The following ENPP6 variants were observed in gnomAD, a reference collection of about 807,000 sequenced individuals.
ENPP6 encodes ectonucleotide pyrophosphatase/phosphodiesterase 6.
ENPP6 carries 32 observed loss-of-function variants against 42.0 expected under a neutral mutation model. That is an observed-to-expected ratio of 0.76 (90% CI 0.58 to 1.02). The LOEUF (loss-of-function observed/expected upper bound fraction) is 1.02, where lower values mean the gene tolerates loss of function less well. Ranked by LOEUF, ENPP6 falls within the 50% of genes least tolerant of loss-of-function variation. The probability of loss-of-function intolerance (pLI) is 0.00; values close to 1 mark genes in which losing one functional copy is unlikely to be tolerated. For missense variants in ENPP6, 552 were observed against 566.8 expected (o/e 0.97, Z 0.27); for synonymous variants, 213 against 216.0 (o/e 0.99, Z 0.12).
chr4:184,204,551 G>C (rs78522162), intron 1 of ENPP6, among the ~76,000 whole-genome samples: 1 of 152,112 alleles, frequency 6.6e-6, no homozygotes, highest in African/African-American at 2.4e-5. Context: ...CGACTTCAGC[G>C]ATCTTCACTA....
At chr4:184,152,674 G>T (rs144595970) in intron 2 of ENPP6, among the ~76,000 whole-genome samples, 1 of 152,166 alleles carries the variant, frequency 6.6e-6, no homozygotes, top group African/African-American at 2.4e-5. Flanking sequence ...AATGGGAAGC[G>T]GGTTGTATTG....
intron 1 of ENPP6, among the ~76,000 whole-genome samples, chr4:184,176,169 T>C (rs1485654520): frequency 6.6e-6 from 1 of 152,076 alleles, no homozygotes; most frequent in Non-Finnish European, 1.5e-5. Context: ...TATCCCAAGG[T>C]CTTGTAGTTG....
At position 184,184,861 on chromosome 4, in the gene ENPP6, C is replaced by G. The variant is rs141640831; in HGVS notation, c.242-31128G>C. Among the ~76,000 whole-genome samples the G allele has an allele frequency of 6.6e-6, 1 of 151,938 alleles. No homozygotes were observed. Among genetic ancestry groups the G allele is most frequent in the Non-Finnish European group, 1.5e-5 (1 of 67,980 alleles). Reference sequence around the variant, plus strand: ...GGACTTCTTGCCTCGAGAACCATGGCAGTCGATTCCTGTTGTCTGAGCCAC... The same window carrying G: ...GGACTTCTTGCCTCGAGAACCATGGGAGTCGATTCCTGTTGTCTGAGCCAC... On this transcript the variant is annotated intron_variant, in intron 1 of 7. Transcript: ENST00000296741. The surrounding 1 kb of genome is among the most constrained non-coding windows in gnomAD (Gnocchi z 4.7).
In ENPP6 at chr4:184,147,404, G is replaced by C. The variant is rs4627906; in HGVS notation, c.421+6150C>G. Among the ~76,000 whole-genome samples, 1,078 of 152,122 alleles carry C rather than the reference G, an allele frequency of 7.1e-3. 39 individuals carry two copies. Among genetic ancestry groups the C allele is most frequent in the Admixed American group, 0.059 (897 of 15,288 alleles). The stretch of plus-strand genomic sequence containing the variant: ...CCATTCCATTCAGGCTGCAGCCGGA[G>C]TAGTGCTTTCAAAATGCAAGTATGA... On this transcript the variant is annotated intron_variant, in intron 2 of 7. Coordinates refer to ENST00000296741, the MANE Select transcript of ENPP6 (RefSeq NM_153343.4).
rs143138466 is a variant in ENPP6 at position 184,153,508 on chromosome 4, G to A, written c.421+46C>T. 2.2e-4 allele frequency: 350 copies of A among 1,557,140 alleles called. 1 individual carries two copies. In the African/African-American group the frequency reaches 4.1e-3, roughly 18 times the overall value. The stretch of plus-strand genomic sequence containing the variant: ...TAACTTGACACCGACTGTCCTCAGA[G>A]ACTCTATGATGATTTGAGATTTGGA... On this transcript the variant is annotated intron_variant, in intron 2 of 7. Coordinates refer to ENST00000296741, the MANE Select transcript of ENPP6 (RefSeq NM_153343.4).
chr4:184,199,209 G>C (rs1579661715), intron 1 of ENPP6, among the ~76,000 whole-genome samples: 1 of 152,342 alleles, frequency 6.6e-6, no homozygotes, highest in East Asian at 1.9e-4. Flanking sequence ...CAGGCTCCCT[G>C]ATGCCTTGAC....
chr4:184,172,958 G>C (rs547712630), intron 1 of ENPP6, among the ~76,000 whole-genome samples: 1 of 152,250 alleles, frequency 6.6e-6, no homozygotes, highest in Non-Finnish European at 1.5e-5. Context: ...CTGTCTCCCA[G>C]GCTGGAGTGC....
At chr4:184,144,934 G>A (rs779740890) in intron 2 of ENPP6, among the ~76,000 whole-genome samples, 9 of 152,236 alleles carry the variant, frequency 5.9e-5, no homozygotes, top group African/African-American at 1.7e-4. Flanking sequence ...GACAGCCCAC[G>A]GCCCCGGCCC....
intron 3 of ENPP6, among the ~76,000 whole-genome samples, chr4:184,123,949 G>C (rs1736459841): frequency 6.6e-6 from 1 of 152,164 alleles, no homozygotes; most frequent in African/African-American, 2.4e-5. Flanking sequence ...GGATTTTCCT[G>C]CTCTCAATTC....
rs556240918 is a variant in ENPP6 at position 184,179,655 on chromosome 4, C to CA, written c.242-25923dup. 1.5e-4 allele frequency among the ~76,000 whole-genome samples: 23 copies of CA among 151,480 alleles called. No individual in the cohort carries two copies. In the East Asian group the frequency reaches 3.9e-3, roughly 25 times the overall value. On this transcript the variant is annotated intron_variant, in intron 1 of 7. Transcript: ENST00000296741. ...AGCAAATGCAAAAGAAATGAAATAA[C>CA]AAAAAAAACCACAGTCTCTCAGACA...
In ENPP6 at chr4:184,116,871, AG is replaced by A. The variant is rs764018508; in HGVS notation, c.839del (p.Pro280LeufsTer11). On this transcript the variant is annotated frameshift_variant, in exon 5 of 8. Coordinates refer to ENST00000296741, the MANE Select transcript of ENPP6 (RefSeq NM_153343.4). LOFTEE classifies it high-confidence loss of function. Reference sequence around the variant, plus strand: ...TCTGTCTTGCCTCAGAGTGTTTCCCAGGGGCCGGCCAAAGGCTCACAACAGG... The same window carrying A: ...TCTGTCTTGCCTCAGAGTGTTTCCCAGGGCCGGCCAAAGGCTCACAACAGG... ...RGPVVSLWPA[P>X]GKHSEIYNKL... 4.3e-5 allele frequency: 70 copies of A among 1,613,518 alleles called. No homozygotes were observed. The highest frequency in any genetic ancestry group is 5.2e-5 in the Non-Finnish European group (61 of 1,179,960).
Position 184,131,259 on chromosome 4 carries a change from T to TTTCTCTTCCTTCCTTCCTTCCTTCCTTC in ENPP6, c.422-6988_422-6987insGAAGGAAGGAAGGAAGGAAGGAAGAGAA, listed in dbSNP as rs1553996065. Reference sequence around the variant, plus strand: ...CCTTTTCTTTCTTTCTTTCTCTTTCTCTTCCTTCCTTCCTTCCTTCCTTCC... The same window carrying TTTCTCTTCCTTCCTTCCTTCCTTCCTTC: ...CCTTTTCTTTCTTTCTTTCTCTTTCTTTCTCTTCCTTCCTTCCTTCCTTCCTTCCTTCCTTCCTTCCTTCCTTCCTTCC... On this transcript the variant is annotated intron_variant, in intron 2 of 7. Transcript: ENST00000296741. Among the ~76,000 whole-genome samples the TTTCTCTTCCTTCCTTCCTTCCTTCCTTC allele has an allele frequency of 1.4e-3, 103 of 73,346 alleles. 12 individuals carry two copies. Among genetic ancestry groups the TTTCTCTTCCTTCCTTCCTTCCTTCCTTC allele is most frequent in the African/African-American group, 5.5e-3 (100 of 18,318 alleles). The allele number at this position is 73,346 out of a possible 152,430, so 48.1% of individuals were successfully genotyped here.
At chr4:184,136,994 A>G (rs1488064655) in intron 2 of ENPP6, among the ~76,000 whole-genome samples, 1 of 152,282 alleles carries the variant, frequency 6.6e-6, no homozygotes, top group Non-Finnish European at 1.5e-5. Flanking sequence ...GCCTCTTCAC[A>G]TTGAAGCTGG....
intron 1 of ENPP6, among the ~76,000 whole-genome samples, chr4:184,186,529 A>G (rs1366726533): frequency 6.6e-6 from 1 of 152,226 alleles, no homozygotes; most frequent in Non-Finnish European, 1.5e-5. Flanking sequence ...TAAAGGGGCC[A>G]GCAAAGAGAA....
chr4:184,151,351 A>G (rs973724011), intron 2 of ENPP6, among the ~76,000 whole-genome samples: 2 of 152,198 alleles, frequency 1.3e-5, no homozygotes, highest in African/African-American at 4.8e-5. Context: ...ACAAAAGGAG[A>G]TAAAGCACAA....
intron 1 of ENPP6, among the ~76,000 whole-genome samples, chr4:184,180,309 AAAG>A (rs1183301472): frequency 1.3e-5 from 2 of 152,170 alleles, no homozygotes; most frequent in African/African-American, 4.8e-5. Context: ...ACTGAACCAG[AAAG>A]AAGGTGAATC....
chr4:184,162,919 C>G (rs560013802), intron 1 of ENPP6, among the ~76,000 whole-genome samples: 2 of 152,064 alleles, frequency 1.3e-5, no homozygotes, highest in East Asian at 1.9e-4. Flanking sequence ...ATGGCAGCAG[C>G]GTGCCATTAC....
chr4:184,118,591 A>G (rs4241785), intron 3 of ENPP6, among the ~76,000 whole-genome samples: 146,569 of 152,280 alleles, frequency 0.96, 70,771 homozygotes, highest in Non-Finnish European at 1. Flanking sequence ...GATTATACAC[A>G]TGTCTTTTGT....
chr4:184,132,154 C>T (rs568154184), intron 2 of ENPP6, among the ~76,000 whole-genome samples: 7 of 152,282 alleles, frequency 4.6e-5, no homozygotes, highest in East Asian at 1.9e-4. Context: ...CTGATGCAAA[C>T]GTCAATCTCA....
Sources: allele counts gnomAD v4.1 joint callset (sites outside exome capture counted in the v4.1 genomes callset), GRCh38; gene constraint gnomAD v4.1.1; non-coding constraint Gnocchi (gnomAD v3.1); transcripts MANE v1.5; gene names NCBI Gene and HGNC (gene_info 2026-07-23, HGNC 2026-07-21).